FBXL13: variants seen among roughly 807,000 people sequenced by gnomAD.
FBXL13 encodes F-box and leucine rich repeat protein 13, also known as F-box and leucine-rich repeat protein 13.
In FBXL13, 67 loss-of-function variants were observed where a neutral mutation model predicts 83.6. The observed-to-expected ratio is 0.80, with a 90% CI of 0.66 to 0.98. The LOEUF (loss-of-function observed/expected upper bound fraction) is 0.98. FBXL13 is among the 50% of genes least tolerant of loss of function. The pLI is 0.00. For missense variants in FBXL13, 822 were observed against 866.5 expected (o/e 0.95, Z 0.64); for synonymous variants, 272 against 299.5 (o/e 0.91, Z 0.95).
chr7:103,032,570 T>C (rs1585458356), intron 2 of FBXL13, among the ~76,000 whole-genome samples: 1 of 152,330 alleles, frequency 6.6e-6, no homozygotes, highest in Non-Finnish European at 1.5e-5. Flanking sequence ...TATATTTGCA[T>C]TGCAAACTCA....
In FBXL13 at chr7:102,994,549, G is replaced by A. The variant is rs147697164; in HGVS notation, c.496-26432C>T. 6.6e-5 allele frequency among the ~76,000 whole-genome samples: 10 copies of A among 152,232 alleles called. No individual in the cohort carries two copies. In the East Asian group the frequency reaches 1.9e-3, roughly 29 times the overall value. On this transcript the variant is annotated intron_variant, in intron 6 of 19. Coordinates refer to ENST00000313221, the Ensembl canonical transcript of FBXL13. ...AAAAAGTTATCTGAAAAGGAATTTC[G>A]AGAAGAGAGACTTTATTCCAGTGAA...
intron 18 of FBXL13, among the ~76,000 whole-genome samples, chr7:102,831,431 A>ACACACACCCCC (rs1033135095): frequency 3.7e-4 from 55 of 147,228 alleles, no homozygotes; most frequent in African/African-American, 1.3e-3. Context: ...ACACACACAC[A>ACACACACCCCC]CCCCACTACA....
chr7:103,057,081 C>T (rs1015407397), intron 1 of FBXL13, among the ~76,000 whole-genome samples: 2 of 152,006 alleles, frequency 1.3e-5, no homozygotes, highest in East Asian at 1.9e-4. Context: ...TATAGATTTT[C>T]GCCTACTCTG....
chr7:102,855,911 GC>G, intron 16 of FBXL13, among the ~76,000 whole-genome samples: 1 of 146,994 alleles, frequency 6.8e-6, no homozygotes, highest in Non-Finnish European at 1.5e-5. Context: ...AAAAAAAAAA[GC>G]CTGTATTAAT....
chr7:102,825,340 T>C (rs566064998), intron 18 of FBXL13, among the ~76,000 whole-genome samples: 23 of 152,278 alleles, frequency 1.5e-4, no homozygotes, highest in African/African-American at 5.3e-4. Flanking sequence ...GGTGGCTTTA[T>C]AAGAAGAAGA....
At position 103,069,934 on chromosome 7, in the gene FBXL13, C is replaced by G. The variant is rs181493021; in HGVS notation, c.-105+4312G>C. ...TCTACTAAAAATACAAAAAAATTAG[C>G]CGGGCATGGTGGCAGGCGCCTGTAG... On this transcript the variant is annotated intron_variant, in intron 1 of 19. Coordinates refer to ENST00000313221, the Ensembl canonical transcript of FBXL13. 1.6e-3 allele frequency among the ~76,000 whole-genome samples: 250 copies of G among 152,120 alleles called. 3 individuals carry two copies. Among genetic ancestry groups the G allele is most frequent in the Admixed American group, 7.0e-3 (107 of 15,278 alleles).
chr7:103,004,253 C>T (rs1052648262), intron 6 of FBXL13, among the ~76,000 whole-genome samples: 2 of 152,204 alleles, frequency 1.3e-5, no homozygotes, highest in Admixed American at 6.5e-5. Flanking sequence ...TGGATTGCTA[C>T]CTCCTTTTCA....
chr7:102,911,710 T>C (rs897581777), intron 11 of FBXL13, among the ~76,000 whole-genome samples: 1 of 152,150 alleles, frequency 6.6e-6, no homozygotes, highest in South Asian at 2.1e-4. Context: ...CTAAAACAAA[T>C]GCTCTAAGAA....
chr7:102,923,597 C>G (rs867942541), intron 10 of FBXL13, among the ~76,000 whole-genome samples: 1 of 149,398 alleles, frequency 6.7e-6, no homozygotes, highest in Non-Finnish European at 1.5e-5. Flanking sequence ...CTGAGGCAGG[C>G]GGATCACGAG....
chr7:102,914,795 G>A (rs749315797), intron 10 of FBXL13, among the ~76,000 whole-genome samples: 6 of 152,138 alleles, frequency 3.9e-5, no homozygotes, highest in Non-Finnish European at 5.9e-5. Context: ...CCAAAGACAC[G>A]CCCCCTCTCT....
In FBXL13 at chr7:102,822,260, A is replaced by G. The variant is rs1424790463; in HGVS notation, c.1855-57T>C. On this transcript the variant is annotated intron_variant, in intron 18 of 19. Transcript: ENST00000313221. ...TTCAAACACTATCTCAGGGAAGAAC[A>G]GTGCCTTAGTCACTTTGGGCAACTA... 3 of 1,539,046 alleles carry G rather than the reference A, an allele frequency of 1.9e-6. No homozygotes were observed. The African/African-American group carries it at 4.1e-5, about 21-fold the overall frequency.
chr7:102,896,014 A>G (rs990941957), intron 11 of FBXL13, among the ~76,000 whole-genome samples: 1 of 152,256 alleles, frequency 6.6e-6, no homozygotes, highest in Non-Finnish European at 1.5e-5. Flanking sequence ...GATTCCAGAC[A>G]GGGGAACAGC....
intron 19 of FBXL13, among the ~76,000 whole-genome samples, chr7:102,819,283 A>T (rs1798466131): frequency 1.3e-5 from 2 of 151,856 alleles, no homozygotes; most frequent in Non-Finnish European, 2.9e-5. Context: ...CATAGTTGTT[A>T]CTTATTCCTC....
chr7:103,023,437 A>C (rs1196614574), intron 6 of FBXL13, among the ~76,000 whole-genome samples: 1 of 152,200 alleles, frequency 6.6e-6, no homozygotes, highest in Non-Finnish European at 1.5e-5. Context: ...ATCTCACACC[A>C]GTTAGAATGG....
intron 1 of FBXL13, among the ~76,000 whole-genome samples, chr7:103,070,273 C>T (rs1267688771): frequency 1.3e-5 from 2 of 151,788 alleles, no homozygotes; most frequent in African/African-American, 4.8e-5. Flanking sequence ...ACTCCATCAC[C>T]CAGGCTGGAG....
intron 10 of FBXL13, among the ~76,000 whole-genome samples, chr7:102,921,466 G>C (rs369607968): frequency 9.2e-5 from 14 of 151,950 alleles, no homozygotes; most frequent in African/African-American, 3.1e-4. Flanking sequence ...GATCACCTGA[G>C]GTCAGGAGTT....
chr7:103,010,247 C>T (rs984024495), intron 6 of FBXL13, among the ~76,000 whole-genome samples: 6 of 152,120 alleles, frequency 3.9e-5, no homozygotes, highest in African/African-American at 1.4e-4. Flanking sequence ...GCTTTCAGCC[C>T]AGTGTTCCCA....
At chr7:103,011,019 GA>G (rs961300907) in intron 6 of FBXL13, among the ~76,000 whole-genome samples, 2 of 150,098 alleles carry the variant, frequency 1.3e-5, no homozygotes, top group South Asian at 2.1e-4. Flanking sequence ...CATCAAAGAA[GA>G]AAAAAGCAAA....
intron 2 of FBXL13, among the ~76,000 whole-genome samples, chr7:103,047,467 G>A (rs183733866): frequency 2.6e-5 from 4 of 152,168 alleles, no homozygotes; most frequent in Non-Finnish European, 5.9e-5. Flanking sequence ...CTTAGACTAT[G>A]GAATTCAAAT....
Sources: allele counts gnomAD v4.1 joint callset (sites outside exome capture counted in the v4.1 genomes callset), GRCh38; gene constraint gnomAD v4.1.1; transcripts MANE v1.5; gene names NCBI Gene and HGNC (gene_info 2026-07-23, HGNC 2026-07-21).